The following WNT3 variants were observed in gnomAD, a reference collection of about 807,000 sequenced individuals.
The protein encoded by WNT3 is proto-oncogene Wnt-3.
A neutral mutation model predicts 34.2 loss-of-function variants in WNT3; 7 were observed. The observed-to-expected ratio is 0.20, with a 90% CI of 0.12 to 0.38. The LOEUF (loss-of-function observed/expected upper bound fraction) is 0.38. Ranked by LOEUF, WNT3 falls within the 10% of genes least tolerant of loss-of-function variation. The pLI is 1.00. For missense variants in WNT3, 267 were observed against 499.8 expected, an observed-to-expected ratio of 0.53 and a Z score of 4.44; for synonymous variants, 212 against 211.5, an observed-to-expected ratio of 1.00 and a Z score of -0.02.
At chr17:46,769,333 GAAAAGA>G (rs2059342654) in intron 3 of WNT3, among the ~76,000 whole-genome samples, 1 of 142,966 alleles carries the variant, frequency 7.0e-6, no homozygotes, top group South Asian at 2.2e-4. Flanking sequence ...AAAAAAAAAA[GAAAAGA>G]AAAAGAAAAA....
intron 1 of WNT3, among the ~76,000 whole-genome samples, chr17:46,794,755 T>TC (rs2084031518): frequency 1.4e-5 from 2 of 142,652 alleles, no homozygotes; most frequent in African/African-American, 5.4e-5. Context: ...TCTTTTTCTT[T>TC]TTTTTTTTTT....
rs56965619 is a variant in WNT3 at position 46,779,053 on chromosome 17, T to TCACACACACACACACACACACACA, written c.81-5168_81-5145dup. Among the ~76,000 whole-genome samples the TCACACACACACACACACACACACA allele has an allele frequency of 2.0e-3, 204 of 100,650 alleles. 4 individuals carry two copies. Among genetic ancestry groups the TCACACACACACACACACACACACA allele is most frequent in the Admixed American group, 4.1e-3 (34 of 8,390 alleles). 66.0% of individuals were successfully genotyped at this position (100,650 alleles called of 152,430 possible). ...CAGTTATTCCCCGGTCCCTACCCCA[T>TCACACACACACACACACACACACA]CACACACACACACACACACACACAC... On this transcript the variant is annotated intron_variant, in intron 1 of 4. Transcript: ENST00000225512.
At chr17:46,778,626 G>A (rs145068778) in intron 1 of WNT3, among the ~76,000 whole-genome samples, 2 of 152,054 alleles carry the variant, frequency 1.3e-5, no homozygotes, top group South Asian at 2.1e-4. Flanking sequence ...TGAAGTACAC[G>A]TTCCACTTCG....
Position 46,763,807 on chromosome 17 carries a change from C to T in WNT3, c.*823G>A, listed in dbSNP as rs1416135980. On this transcript the variant is annotated 3_prime_UTR_variant, in exon 5 of 5. Transcript: ENST00000225512. ...AGAGAAGACTTGCCCCCTTACATAGCCTATTTACAAGGTCCACTACCACCA... is the reference window on the plus strand; with the variant it reads ...AGAGAAGACTTGCCCCCTTACATAGTCTATTTACAAGGTCCACTACCACCA... 2 of 144,890 alleles carry T rather than the reference C, an allele frequency of 1.4e-5. No homozygotes were observed. The highest frequency in any genetic ancestry group is 3.0e-5 in the Non-Finnish European group (2 of 67,056). 9.0% of individuals were successfully genotyped at this position (144,890 alleles called of 1,614,324 possible).
chr17:46,790,219 G>A (rs1195881931), intron 1 of WNT3, among the ~76,000 whole-genome samples: 1 of 152,102 alleles, frequency 6.6e-6, no homozygotes, highest in Non-Finnish European at 1.5e-5. Context: ...TGCAACAGGC[G>A]CCTGGGTTTG....
At chr17:46,807,605 T>G (rs1349800688) in intron 1 of WNT3, among the ~76,000 whole-genome samples, 1 of 152,254 alleles carries the variant, frequency 6.6e-6, no homozygotes, top group Non-Finnish European at 1.5e-5. Flanking sequence ...TTAATTCGCA[T>G]GTGCCTTGCT....
chr17:46,813,069 T>G (rs1021084422), intron 1 of WNT3, among the ~76,000 whole-genome samples: 1 of 152,026 alleles, frequency 6.6e-6, no homozygotes, highest in Non-Finnish European at 1.5e-5. Flanking sequence ...GGTTTGGAAG[T>G]GCAAGCAGGT....
chr17:46,795,982 G>T (rs1351844144), intron 1 of WNT3, among the ~76,000 whole-genome samples: 2 of 151,716 alleles, frequency 1.3e-5, no homozygotes, highest in African/African-American at 4.8e-5. Flanking sequence ...ATGAATAGAG[G>T]ATTAAAAAAA....
chr17:46,779,052 A>ACCACACACACAC (rs2059435027), intron 1 of WNT3, among the ~76,000 whole-genome samples: 7 of 22,678 alleles, frequency 3.1e-4, no homozygotes, highest in Non-Finnish European at 1.1e-4. Flanking sequence ...TCCCTACCCC[A>ACCACACACACAC]TCACACACAC....
At chr17:46,795,653 C>T (rs894101774) in intron 1 of WNT3, among the ~76,000 whole-genome samples, 6 of 152,194 alleles carry the variant, frequency 3.9e-5, no homozygotes, top group African/African-American at 4.8e-5. Flanking sequence ...CAGTGGGTGA[C>T]GACACCAAGC....
chr17:46,816,029 T>A (rs1180000556), intron 1 of WNT3, among the ~76,000 whole-genome samples: 2 of 151,918 alleles, frequency 1.3e-5, no homozygotes, highest in Non-Finnish European at 2.9e-5. Context: ...CACAATCAGG[T>A]CATGGCCATG....
intron 1 of WNT3, among the ~76,000 whole-genome samples, chr17:46,789,174 A>T (rs2083946689): frequency 6.6e-6 from 1 of 152,174 alleles, no homozygotes; most frequent in East Asian, 1.9e-4. Context: ...GCCCTGAGGA[A>T]GCCCATTCTC....
intron 2 of WNT3, among the ~76,000 whole-genome samples, chr17:46,771,582 C>T (rs2059370493): frequency 2.0e-5 from 3 of 148,120 alleles, no homozygotes; most frequent in African/African-American, 7.3e-5. Context: ...CCCGCTGGGC[C>T]GCTCAATCCG....
chr17:46,815,275 G>A (rs1350533847), intron 1 of WNT3, among the ~76,000 whole-genome samples: 5 of 152,090 alleles, frequency 3.3e-5, no homozygotes, highest in Non-Finnish European at 7.3e-5. Flanking sequence ...TTCCTGTCCC[G>A]GCTCTGTCAC....
At chr17:46,776,772 C>T (rs2059415785) in intron 1 of WNT3, among the ~76,000 whole-genome samples, 2 of 152,224 alleles carry the variant, frequency 1.3e-5, no homozygotes, top group South Asian at 4.2e-4. Flanking sequence ...GGGCTGTCCC[C>T]GCTCCTTCCT....
intron 1 of WNT3, among the ~76,000 whole-genome samples, chr17:46,816,123 A>ACACACACACGCACG (rs1192553342): frequency 3.2e-4 from 47 of 148,070 alleles, no homozygotes; most frequent in South Asian, 6.5e-4. Flanking sequence ...ACACACACAC[A>ACACACACACGCACG]CACACACTCA....
chr17:46,782,457 T>C (rs1402058931), intron 1 of WNT3, among the ~76,000 whole-genome samples: 2 of 152,168 alleles, frequency 1.3e-5, no homozygotes, highest in Non-Finnish European at 1.5e-5. Context: ...GCCCAACTTG[T>C]TCCTGGGCCC....
At chr17:46,780,570 C>T (rs1299958344) in intron 1 of WNT3, among the ~76,000 whole-genome samples, 2 of 152,050 alleles carry the variant, frequency 1.3e-5, no homozygotes, top group South Asian at 2.1e-4. Context: ...GGGAGGATCA[C>T]GAGGTCAGGA....
At chr17:46,787,885 G>A (rs1568084638) in intron 1 of WNT3, among the ~76,000 whole-genome samples, 1 of 151,970 alleles carries the variant, frequency 6.6e-6, no homozygotes, top group East Asian at 1.9e-4. Context: ...GAACCTGGGA[G>A]GCAGAGGTTT....
Sources: gnomAD v4.1 joint callset for allele counts (sites outside exome capture counted in the v4.1 genomes callset) on GRCh38, gnomAD v4.1.1 for gene constraint, MANE v1.5 for transcripts, NCBI Gene and HGNC (gene_info 2026-07-23, HGNC 2026-07-21) for gene names.